The following DNASE1 variants were observed in gnomAD, a reference collection of about 807,000 sequenced individuals.
The protein encoded by DNASE1 is deoxyribonuclease 1.
In DNASE1, 40 loss-of-function variants were observed where a neutral mutation model predicts 33.9. That is an observed-to-expected ratio of 1.18 (90% CI 0.92 to 1.54). DNASE1 has a LOEUF of 1.54. Ranked by LOEUF, DNASE1 falls within the 40% of genes most tolerant of loss-of-function variation. DNASE1 has a pLI of 0.00. For synonymous variants in DNASE1, 216 were observed against 160.0 expected, an observed-to-expected ratio of 1.35 and a Z score of -2.64; for missense variants, 518 against 372.6, an observed-to-expected ratio of 1.39 and a Z score of -3.21.
In DNASE1 at chr16:3,633,305, A is replaced by G. The variant is rs8047175; in HGVS notation, c.-1358-7410A>G. On this transcript the variant is annotated intron_variant and NMD_transcript_variant, in intron 1 of 11. Transcript: ENST00000570769. ...TAGCATGCCAATTATGCTTCTTATT[A>G]TATACTTTTAAAAAGTCTTGGCTGG... Among the ~76,000 whole-genome samples, 1,421 of 152,118 alleles carry G rather than the reference A, an allele frequency of 9.3e-3. 26 individuals carry two copies. The highest frequency in any genetic ancestry group is 0.032 in the African/African-American group (1,322 of 41,480).
chr16:3,656,168 C>G lies in DNASE1; in HGVS notation c.303C>G (p.Arg101=). The change falls in exon 4 of 9, where the codon CGC becomes CGG. Residue 101 remains arginine, a synonymous_variant. Transcript: ENST00000246949. ...TGGGACGGAACAGCTATAAGGAGCG[C>G]TACCTGTTCGTGTACAGGTGGGTGG... ...EPLGRNSYKE[R]YLFVYRPDQV... is the part of the protein sequence containing the mutation. The G allele has an allele frequency of 6.2e-7, 1 of 1,614,006 alleles. No individual in the cohort carries two copies. The highest frequency in any genetic ancestry group is 8.5e-7 in the Non-Finnish European group (1 of 1,179,940).
At chr16:3,663,246 A>G (rs994486746) in exon 10 of DNASE1, 1 of 796,416 alleles carries the variant, frequency 1.3e-6, no homozygotes, top group South Asian at 1.8e-5. Context: ...CAGACCCCTG[A>G]TATCTAAACC....
At chr16:3,623,315 T>G (rs982392003) in intron 1 of DNASE1, among the ~76,000 whole-genome samples, 1 of 152,076 alleles carries the variant, frequency 6.6e-6, no homozygotes, top group Non-Finnish European at 1.5e-5. Context: ...CGTACCTCTA[T>G]CTCTCACCGC....
downstream of DNASE1, chr16:3,662,750 C>A (rs758414005): frequency 1.6e-5 from 13 of 831,748 alleles, no homozygotes; most frequent in Non-Finnish European, 2.6e-5. Context: ...CCCACAGGGT[C>A]TCCACCTGAC....
exon 1 of DNASE1, chr16:3,643,003 C>T (rs1450695836): frequency 1.3e-5 from 2 of 152,856 alleles, no homozygotes; most frequent in South Asian, 2.1e-4. Flanking sequence ...CCTGGAGAGC[C>T]GCCCAGCAGC....
In DNASE1 at chr16:3,635,720, T is replaced by C. The variant is rs189977831; in HGVS notation, c.-1358-4995T>C. ...TTAGGTTAATAGGGTTTTTTTTTTTTCCTTACAACACTATAAATATTCCCT... is the reference window on the plus strand; with the variant it reads ...TTAGGTTAATAGGGTTTTTTTTTTTCCCTTACAACACTATAAATATTCCCT... On this transcript the variant is annotated intron_variant and NMD_transcript_variant, in intron 1 of 11. Transcript: ENST00000570769. 3.6e-3 allele frequency among the ~76,000 whole-genome samples: 539 copies of C among 151,794 alleles called. 3 individuals are homozygous for C. Among genetic ancestry groups the C allele is most frequent in the African/African-American group, 0.012 (511 of 41,402 alleles).
chr16:3,633,500 C>T (rs1441043303), intron 1 of DNASE1, among the ~76,000 whole-genome samples: 7 of 151,656 alleles, frequency 4.6e-5, no homozygotes, highest in Admixed American at 1.3e-4. Flanking sequence ...CCCAGCTACT[C>T]GGGAGGCTGA....
At chr16:3,664,081 CA>C (rs375478230) in exon 10 of DNASE1, 18 of 593,242 alleles carry the variant, frequency 3.0e-5, no homozygotes, top group South Asian at 1.1e-4. Flanking sequence ...AAAAAACAAA[CA>C]AAAAAAACCA....
upstream of DNASE1, among the ~76,000 whole-genome samples, chr16:3,642,352 G>A (rs2042047842): frequency 6.6e-6 from 1 of 152,234 alleles, no homozygotes; most frequent in African/African-American, 2.4e-5. Context: ...CATCCTGCCA[G>A]GCCATGGGAT....
At chr16:3,633,626 A>AG (rs2041771659) in intron 1 of DNASE1, among the ~76,000 whole-genome samples, 1 of 151,896 alleles carries the variant, frequency 6.6e-6, no homozygotes, top group Non-Finnish European at 1.5e-5. Flanking sequence ...AAAAAAAAAA[A>AG]AAAGTCTTTG....
At chr16:3,615,341 G>T (rs537014999) in intron 1 of DNASE1, among the ~76,000 whole-genome samples, 1 of 152,120 alleles carries the variant, frequency 6.6e-6, no homozygotes, top group Non-Finnish European at 1.5e-5. Flanking sequence ...TGCTTCTTTG[G>T]GCTAAAGGTG....
At chr16:3,623,983 A>G (rs1033993476) in intron 1 of DNASE1, among the ~76,000 whole-genome samples, 2 of 152,050 alleles carry the variant, frequency 1.3e-5, no homozygotes, top group African/African-American at 4.8e-5. Context: ...TATAACCTCT[A>G]TATAGAAAAC....
chr16:3,655,991 C>G lies in DNASE1; in HGVS notation c.236+54C>G. ...GGTGACATCTCGTCCACGGCACAGC[C>G]TCACTTCACTTGGGCCCCAAGGGTG... On this transcript the variant is annotated intron_variant, in intron 3 of 8. Coordinates refer to ENST00000246949, the MANE Select transcript of DNASE1 (RefSeq NM_005223.4). 3.1e-6 allele frequency: 5 copies of G among 1,612,520 alleles called. 1 individual carries two copies. The South Asian group carries it at 4.4e-5, about 14-fold the overall frequency.
At chr16:3,622,708 TC>T (rs1220538825) in intron 1 of DNASE1, among the ~76,000 whole-genome samples, 32 of 152,178 alleles carry the variant, frequency 2.1e-4, no homozygotes, top group African/African-American at 7.5e-4. Flanking sequence ...TACTTCAGCC[TC>T]CCACGTAGCT....
Position 3,655,469 on chromosome 16 carries a change from A to T in DNASE1, c.96A>T (p.Thr32=). ...AGATCGCAGCCTTCAACATCCAGAC[A>T]TTTGGGGAGACCAAGATGTCCAATG... ...SLKIAAFNIQ[T]FGETKMSNAT... Residue 32 remains threonine, a synonymous_variant, in exon 2 of 9, where the codon ACA becomes ACT. Transcript: ENST00000246949. 1 of 1,614,148 alleles carries T rather than the reference A, an allele frequency of 6.2e-7. No homozygotes were observed. The highest frequency in any genetic ancestry group is 8.5e-7 in the Non-Finnish European group (1 of 1,180,034).
downstream of DNASE1, chr16:3,661,832 G>A: frequency 2.1e-6 from 2 of 968,196 alleles, no homozygotes; most frequent in South Asian, 2.6e-5. Flanking sequence ...ATTTCACATG[G>A]GTGCAGCCTA....
chr16:3,627,876 G>A (rs2041564971), intron 1 of DNASE1, among the ~76,000 whole-genome samples: 1 of 139,654 alleles, frequency 7.2e-6, no homozygotes, highest in African/African-American at 2.7e-5. Flanking sequence ...TCAACATGGT[G>A]TTGGCTATCT....
At chr16:3,643,718 T>C (rs2042088532) in intron 1 of DNASE1, among the ~76,000 whole-genome samples, 1 of 152,368 alleles carries the variant, frequency 6.6e-6, no homozygotes, top group South Asian at 2.1e-4. Flanking sequence ...ACATGGACTT[T>C]AGTATGTTAA....
At chr16:3,632,211 T>C (rs59472985) in intron 1 of DNASE1, among the ~76,000 whole-genome samples, 5,726 of 152,320 alleles carry the variant, frequency 0.038, 330 homozygotes, top group African/African-American at 0.12. Context: ...AAGTGCTCTA[T>C]AGATGTCAAT....
Sources: allele counts gnomAD v4.1 joint callset (sites outside exome capture counted in the v4.1 genomes callset), GRCh38; gene constraint gnomAD v4.1.1; transcripts MANE v1.5; gene names NCBI Gene and HGNC (gene_info 2026-07-23, HGNC 2026-07-21).